GRB14: variants seen among roughly 807,000 people sequenced by gnomAD.
GRB14 encodes growth factor receptor-bound protein 14.
A neutral mutation model predicts 69.1 loss-of-function variants in GRB14; 38 were observed. The ratio of observed to expected loss-of-function variants is 0.55; its 90% CI spans 0.42 to 0.72. The LOEUF (loss-of-function observed/expected upper bound fraction) is 0.72. Among genes scored for constraint, GRB14 ranks in the 30% least tolerant of loss-of-function variants. GRB14 has a pLI of 0.00. For missense variants in GRB14, 666 were observed against 666.1 expected, an observed-to-expected ratio of 1.00 and a Z score of 0.00; for synonymous variants, 247 against 241.3, an observed-to-expected ratio of 1.02 and a Z score of -0.22.
At chr2:164,497,554 G>C in intron 9 of GRB14, 64 bp from the exon 10 acceptor site, 5 of 1,096,104 alleles carry the variant, frequency 4.6e-6, no homozygotes, top group Non-Finnish European at 6.8e-6. Context: ...CAAATAAATT[G>C]AAAGTGTTTT....
intron 2 of GRB14, among the ~76,000 whole-genome samples, chr2:164,558,975 A>AT (rs1385876427): frequency 1.3e-5 from 2 of 152,004 alleles, no homozygotes; most frequent in Admixed American, 6.6e-5. Flanking sequence ...TTAAAAGCAC[A>AT]TTTTTTTCAC....
At position 164,619,754 on chromosome 2, in the gene GRB14, C is replaced by T. The variant is rs757177221; in HGVS notation, c.257G>A (p.Cys86Tyr). 73 of 1,609,306 alleles carry T rather than the reference C, an allele frequency of 4.5e-5. No homozygotes were observed. The highest frequency in any genetic ancestry group is 1.0e-4 in the Admixed American group (6 of 59,468). Residue 86 changes from cysteine (C) to tyrosine (Y), a missense_variant, in exon 2 of 14, where the codon TGC (cysteine) becomes TAC (tyrosine). Transcript: ENST00000263915. ...PSIPNPFPELCCSPFTSVLSA... is the reference protein window; with the variant it reads ...PSIPNPFPELYCSPFTSVLSA... The stretch of plus-strand genomic sequence containing the variant: ...CAACACAGATGTAAATGGAGAACAG[C>T]ATAGCTCAGGAAAAGGGTTTGGAAT...
intron 2 of GRB14, among the ~76,000 whole-genome samples, chr2:164,549,923 TAAAA>T (rs1688491887): frequency 2.0e-5 from 3 of 150,248 alleles, no homozygotes; most frequent in Non-Finnish European, 4.4e-5. Flanking sequence ...TAAAATAAAA[TAAAA>T]TAAAATAAAA....
intron 2 of GRB14, chr2:164,568,238 A>G: frequency 1.2e-6 from 1 of 848,084 alleles, no homozygotes; most frequent in Non-Finnish European, 1.7e-6. Context: ...CTTCCTATGT[A>G]TTAATAAACA....
At chr2:164,604,593 A>C (rs1221392858) in intron 2 of GRB14, among the ~76,000 whole-genome samples, 3 of 152,120 alleles carry the variant, frequency 2.0e-5, no homozygotes, top group Non-Finnish European at 4.4e-5. Context: ...GATTGAGAAC[A>C]AAGACACAAA....
At chr2:164,580,205 C>T (rs1420427366) in intron 2 of GRB14, among the ~76,000 whole-genome samples, 1 of 151,834 alleles carries the variant, frequency 6.6e-6, no homozygotes, top group Non-Finnish European at 1.5e-5. Context: ...AGTGATTCTC[C>T]TGCCTCAGCC....
chr2:164,512,895 CAT>C (rs1315642640), intron 6 of GRB14, among the ~76,000 whole-genome samples: 2 of 152,204 alleles, frequency 1.3e-5, no homozygotes, highest in African/African-American at 2.4e-5. Context: ...CTCAATAAAA[CAT>C]ATCCAGAACT....
intron 2 of GRB14, among the ~76,000 whole-genome samples, chr2:164,608,822 G>A (rs532147503): frequency 3.1e-4 from 47 of 151,984 alleles, no homozygotes; most frequent in African/African-American, 9.6e-4. Flanking sequence ...GAATGCAAAC[G>A]GTACATGCAC....
intron 2 of GRB14, among the ~76,000 whole-genome samples, chr2:164,618,036 A>G (rs893881878): frequency 1.3e-5 from 2 of 149,998 alleles, no homozygotes; most frequent in African/African-American, 4.9e-5. Flanking sequence ...GCACAATCTC[A>G]GCTCACTGCA....
intron 2 of GRB14, among the ~76,000 whole-genome samples, chr2:164,573,309 T>C (rs981263641): frequency 1.3e-5 from 2 of 152,214 alleles, no homozygotes; most frequent in Admixed American, 6.5e-5. Flanking sequence ...GTGGAAAGAC[T>C]AGTCACTCCG....
At chr2:164,580,020 A>G (rs1689356203) in intron 2 of GRB14, among the ~76,000 whole-genome samples, 1 of 152,118 alleles carries the variant, frequency 6.6e-6, no homozygotes, top group Admixed American at 6.5e-5. Context: ...CTACACAAAT[A>G]TCTGGAAAAA....
intron 12 of GRB14, among the ~76,000 whole-genome samples, chr2:164,496,787 C>T (rs545595445): frequency 4.6e-5 from 7 of 152,146 alleles, no homozygotes; most frequent in East Asian, 1.9e-4. Context: ...TACTCTATTC[C>T]GTTATTTGTC....
intron 2 of GRB14, among the ~76,000 whole-genome samples, chr2:164,602,124 T>A (rs1313748912): frequency 6.7e-6 from 1 of 148,506 alleles, no homozygotes; most frequent in African/African-American, 2.5e-5. Flanking sequence ...CCAAATGTAT[T>A]TTTAAATTTA....
chr2:164,566,655 T>C (rs1192490237), intron 2 of GRB14, among the ~76,000 whole-genome samples: 1 of 152,116 alleles, frequency 6.6e-6, no homozygotes, highest in Non-Finnish European at 1.5e-5. Context: ...CCATAACCAA[T>C]TTCCCCTAGG....
chr2:164,587,957 G>C (rs1387158182), intron 2 of GRB14, among the ~76,000 whole-genome samples: 1 of 152,138 alleles, frequency 6.6e-6, no homozygotes, highest in African/African-American at 2.4e-5. Flanking sequence ...GATAATTTCT[G>C]AAATAAACAT....
intron 9 of GRB14, among the ~76,000 whole-genome samples, chr2:164,498,215 CAT>C (rs1686956163): frequency 6.6e-6 from 1 of 152,072 alleles, no homozygotes; most frequent in Non-Finnish European, 1.5e-5. Flanking sequence ...CACTTGGCCA[CAT>C]GAGGGCTGCA....
chr2:164,527,176 A>AATATATAT (rs57531034), intron 3 of GRB14, 41 bp from the exon 4 acceptor site: 275 of 249,884 alleles, frequency 1.1e-3, no homozygotes, highest in East Asian at 1.9e-3. Context: ...CAGATAGACA[A>AATATATAT]ATATATATAT....
At chr2:164,580,731 C>T (rs1026852567) in intron 2 of GRB14, among the ~76,000 whole-genome samples, 1 of 151,404 alleles carries the variant, frequency 6.6e-6, no homozygotes, top group African/African-American at 2.4e-5. Context: ...AAAGTGCATT[C>T]TATTTAGAAA....
At chr2:164,522,798 T>C (rs1687667483) in intron 5 of GRB14, among the ~76,000 whole-genome samples, 1 of 152,098 alleles carries the variant, frequency 6.6e-6, no homozygotes, top group Admixed American at 6.6e-5. Context: ...ATCTTGCCAC[T>C]GAATCACAAA....
Sources: gnomAD v4.1 joint callset for allele counts (sites outside exome capture counted in the v4.1 genomes callset) on GRCh38, gnomAD v4.1.1 for gene constraint, MANE v1.5 for transcripts, NCBI Gene and HGNC (gene_info 2026-07-23, HGNC 2026-07-21) for gene names.